LAMB4: variants seen among roughly 807,000 people sequenced by gnomAD.
LAMB4 encodes the protein laminin subunit beta 4, also known as laminin subunit beta-4.
A neutral mutation model predicts 199.2 loss-of-function variants in LAMB4; 196 were observed. That is an observed-to-expected ratio of 0.98 (90% CI 0.88 to 1.11). The LOEUF is 1.11. LAMB4 is among the 50% of genes least tolerant of loss of function. The pLI is 0.00. For synonymous variants in LAMB4, 744 were observed against 770.6 expected, an observed-to-expected ratio of 0.97 and a Z score of 0.57; for missense variants, 2,080 against 2,171.2, an observed-to-expected ratio of 0.96 and a Z score of 0.83.
chr7:108,113,848 G>GA (rs1320570607), intron 3 of LAMB4, among the ~76,000 whole-genome samples: 1 of 152,250 alleles, frequency 6.6e-6, no homozygotes, highest in East Asian at 1.9e-4. Flanking sequence ...TAACAGATGG[G>GA]AAAAAATCAT....
rs569658192 is a variant in LAMB4 at position 108,084,505 on chromosome 7, C to T, written c.1702-4719G>A. On this transcript the variant is annotated intron_variant, in intron 14 of 33. Transcript: ENST00000388781. Reference sequence around the variant, plus strand: ...ATTTTTTGCGACAGTGGAGCATGCACGTGAGCAGAAGAGATATGCGCATCA... The same window carrying T: ...ATTTTTTGCGACAGTGGAGCATGCATGTGAGCAGAAGAGATATGCGCATCA... Among the ~76,000 whole-genome samples the T allele has an allele frequency of 5.9e-5, 9 of 152,150 alleles. No homozygotes were observed. In the East Asian group the frequency reaches 7.7e-4, roughly 13 times the overall value.
intron 25 of LAMB4, among the ~76,000 whole-genome samples, chr7:108,054,847 A>T (rs1248182561): frequency 6.6e-6 from 1 of 152,136 alleles, no homozygotes; most frequent in Non-Finnish European, 1.5e-5. Context: ...CATAATCTCA[A>T]CAAATGGTTA....
At chr7:108,094,113 G>A (rs1159923422) in intron 12 of LAMB4, among the ~76,000 whole-genome samples, 1 of 152,190 alleles carries the variant, frequency 6.6e-6, no homozygotes, top group East Asian at 1.9e-4. Flanking sequence ...CCCCATGGGG[G>A]GGGTCCCTGT....
Position 108,034,348 on chromosome 7 carries a change from T to C in LAMB4, c.4680-2A>G. On this transcript the variant is annotated splice_acceptor_variant, in intron 30 of 33. Coordinates refer to ENST00000388781, the MANE Select transcript of LAMB4 (RefSeq NM_007356.3). LOFTEE classifies it high-confidence loss of function. ...TTTAATAGAATATTTGCTGCTTTCC[T>C]AAGGTAAGATATTAACATATCAGAT... is the stretch of plus-strand genomic sequence containing the variant. 6.3e-7 allele frequency: 1 copy of C among 1,594,424 alleles called. No homozygotes were observed. The highest frequency in any genetic ancestry group is 8.6e-7 in the Non-Finnish European group (1 of 1,162,152).
chr7:108,020,470 CAAAAAAA>C (rs57432162), downstream of LAMB4, among the ~76,000 whole-genome samples: 3 of 62,954 alleles, frequency 4.8e-5, no homozygotes, highest in East Asian at 5.8e-4. Context: ...GACTCCATCT[CAAAAAAA>C]AAAAAAAAAA....
At chr7:108,032,377 G>A (rs1227528439) in intron 31 of LAMB4, among the ~76,000 whole-genome samples, 2 of 150,716 alleles carry the variant, frequency 1.3e-5, no homozygotes, top group South Asian at 2.1e-4. Context: ...GTGATAGAGC[G>A]AGACTCCATC....
chr7:108,048,448 G>A (rs1265631944), intron 27 of LAMB4, among the ~76,000 whole-genome samples: 1 of 152,130 alleles, frequency 6.6e-6, no homozygotes, highest in Non-Finnish European at 1.5e-5. Context: ...TTACAGGCAT[G>A]TGGCCTGGCT....
chr7:108,079,621 C>A lies in LAMB4; in HGVS notation c.1867G>T (p.Ala623Ser). 1 of 1,607,792 alleles carries A rather than the reference C, an allele frequency of 6.2e-7. No homozygotes were observed. ...GATACCTGGGTTTCATAGTGAATGG[C>A]AATGGTGAAGTCCACAGGAAAGGGA... The part of the protein sequence containing the change: ...NIPFPVDFTI[A>S]IHYETQSAAD... Residue 623 changes from alanine to serine, a missense_variant, in exon 15 of 34, where the codon GCC becomes TCC. Ala to Ser is a moderately conservative substitution (Grantham distance 99). Coordinates refer to ENST00000388781, the MANE Select transcript of LAMB4 (RefSeq NM_007356.3).
chr7:108,036,194 A>ATT (rs564957239), intron 30 of LAMB4, among the ~76,000 whole-genome samples: 19,928 of 142,446 alleles, frequency 0.14, 2,558 homozygotes, highest in African/African-American at 0.35. Flanking sequence ...TGATTACTTG[A>ATT]TTTTTTTTTT....
At chr7:108,076,163 A>C (rs2036693876) in intron 17 of LAMB4, among the ~76,000 whole-genome samples, 1 of 152,174 alleles carries the variant, frequency 6.6e-6, no homozygotes, top group Non-Finnish European at 1.5e-5. Flanking sequence ...ACATGTATCA[A>C]ATACACATAG....
intron 31 of LAMB4, among the ~76,000 whole-genome samples, chr7:108,032,321 T>C (rs1162965142): frequency 6.6e-6 from 1 of 151,564 alleles, no homozygotes; most frequent in African/African-American, 2.4e-5. Context: ...ACCCAGGAGG[T>C]GGAGGTTGCA....
Position 108,030,892 on chromosome 7 carries a change from T to C in LAMB4, c.4906A>G (p.Thr1636Ala), listed in dbSNP as rs1421401416. 1 of 1,614,146 alleles carries C rather than the reference T, an allele frequency of 6.2e-7. No individual in the cohort carries two copies. Residue 1636 changes from threonine (T) to alanine (A), a missense_variant, in exon 32 of 34, where the codon ACC (threonine) becomes GCC (alanine). Coordinates refer to ENST00000388781, the MANE Select transcript of LAMB4 (RefSeq NM_007356.3). ...TGGTCTTGATGCCTTTGCAACTTGG[T>C]CTGCAGCAGGGAAAGTCCATCCTCC... ...GLEDGLSLLQ[T>A]KLQRHQDHAV...
At chr7:108,065,494 CTT>C (rs2036304570) in intron 21 of LAMB4, among the ~76,000 whole-genome samples, 2 of 151,936 alleles carry the variant, frequency 1.3e-5, no homozygotes, top group Non-Finnish European at 2.9e-5. Context: ...AATAAATTAA[CTT>C]GATTTGGTCT....
intron 14 of LAMB4, among the ~76,000 whole-genome samples, chr7:108,085,463 T>C (rs1255092715): frequency 6.6e-6 from 1 of 152,130 alleles, no homozygotes; most frequent in African/African-American, 2.4e-5. Flanking sequence ...TAGAATGACA[T>C]TGAACGGCAA....
At chr7:108,079,562 T>G in intron 15 of LAMB4, 39 bp downstream of exon 15, 1 of 1,493,854 alleles carries the variant, frequency 6.7e-7, no homozygotes, top group Non-Finnish European at 9.1e-7. Context: ...TGTATTTCTG[T>G]CAGCTTTTCA....
rs2038074628 is a variant in LAMB4 at position 108,107,725 on chromosome 7, G to A, written c.497C>T (p.Ser166Phe). 1 of 1,613,768 alleles carries A rather than the reference G, an allele frequency of 6.2e-7. No individual in the cohort carries two copies. ...FKYFAKDCAT[S>F]FPNITSGQAQ... is the part of the protein sequence containing the mutation. Reference sequence around the variant, plus strand: ...CTGGCCAGATGTGATGTTAGGAAAGGAAGTGGCACAGTCTTTTGCAAAATA... The same window carrying A: ...CTGGCCAGATGTGATGTTAGGAAAGAAAGTGGCACAGTCTTTTGCAAAATA... Residue 166 changes from serine (S) to phenylalanine (F), a missense_variant, in exon 6 of 34, where the codon TCC becomes TTC. Coordinates refer to ENST00000388781, the MANE Select transcript of LAMB4 (RefSeq NM_007356.3).
chr7:108,043,684 T>A (rs1206260654), intron 29 of LAMB4, 68 bp downstream of exon 29: 2 of 933,946 alleles, frequency 2.1e-6, no homozygotes, highest in Non-Finnish European at 3.1e-6. Flanking sequence ...GGTTCACGTA[T>A]GATGTTTGAC....
intron 17 of LAMB4, among the ~76,000 whole-genome samples, chr7:108,071,668 C>T (rs1453087227): frequency 6.6e-6 from 1 of 152,218 alleles, no homozygotes; most frequent in Non-Finnish European, 1.5e-5. Flanking sequence ...ATCCCACACA[C>T]ATCAAATCAC....
At chr7:108,049,302 G>A in intron 27 of LAMB4, 24 bp downstream of exon 27, 1 of 1,301,650 alleles carries the variant, frequency 7.7e-7, no homozygotes, top group African/African-American at 1.5e-5. Context: ...CAAATGCTTT[G>A]ACCTTACCAT....
Sources: gnomAD v4.1 joint callset for allele counts (sites outside exome capture counted in the v4.1 genomes callset) on GRCh38, gnomAD v4.1.1 for gene constraint, MANE v1.5 for transcripts, NCBI Gene and HGNC (gene_info 2026-07-23, HGNC 2026-07-21) for gene names.